Variants in TDRD3 observed in about 807,000 individuals in gnomAD.
TDRD3 encodes the protein tudor domain-containing protein 3.
TDRD3 carries 45 observed loss-of-function variants against 86.7 expected under a neutral mutation model. The observed-to-expected ratio is 0.52, with a 90% CI of 0.41 to 0.67. The LOEUF is 0.67. TDRD3 is among the 30% of genes least tolerant of loss of function. The pLI is 0.00. For missense variants in TDRD3, 814 were observed against 889.0 expected (o/e 0.92, Z 1.07); for synonymous variants, 298 against 301.7 (o/e 0.99, Z 0.13).
intron 3 of TDRD3, 79 bp from the exon 4 acceptor site, chr13:60,460,301 A>T: frequency 7.9e-7 from 1 of 1,258,690 alleles, no homozygotes; most frequent in Non-Finnish European, 1.1e-6. Context: ...AGGAAAAGAG[A>T]AACACTATAA....
chr13:60,539,443 T>C (rs562513189), intron 12 of TDRD3, among the ~76,000 whole-genome samples: 2 of 152,118 alleles, frequency 1.3e-5, no homozygotes, highest in East Asian at 1.9e-4. Context: ...TTATTCCATA[T>C]TAGTTTAAAG....
At chr13:60,480,590 T>A (rs1043010695) in intron 5 of TDRD3, among the ~76,000 whole-genome samples, 1 of 152,228 alleles carries the variant, frequency 6.6e-6, no homozygotes, top group South Asian at 2.1e-4. Flanking sequence ...GTTTTCCAAG[T>A]TGCTTGTTCT....
chr13:60,556,532 G>A (rs1350015219), intron 12 of TDRD3, among the ~76,000 whole-genome samples: 1 of 152,156 alleles, frequency 6.6e-6, no homozygotes, highest in Non-Finnish European at 1.5e-5. Flanking sequence ...ATAGATCTGG[G>A]AATAGATTGT....
intron 4 of TDRD3, among the ~76,000 whole-genome samples, chr13:60,465,239 T>C (rs1009765364): frequency 6.6e-6 from 1 of 152,308 alleles, no homozygotes; most frequent in African/African-American, 2.4e-5. Context: ...GCAATTTCTT[T>C]GGAGGTAAAG....
chr13:60,404,028 T>C (rs1954169232), intron 1 of TDRD3, among the ~76,000 whole-genome samples: 1 of 152,240 alleles, frequency 6.6e-6, no homozygotes, highest in Non-Finnish European at 1.5e-5. Context: ...ACACTGTTAT[T>C]TTACTTGCAA....
intron 4 of TDRD3, among the ~76,000 whole-genome samples, chr13:60,465,356 T>C (rs1310315669): frequency 1.3e-5 from 2 of 152,186 alleles, no homozygotes; most frequent in South Asian, 4.1e-4. Flanking sequence ...TTGGGAACGC[T>C]TCTTCACTAT....
At chr13:60,409,340 G>A (rs1236709346) in intron 1 of TDRD3, among the ~76,000 whole-genome samples, 1 of 152,222 alleles carries the variant, frequency 6.6e-6, no homozygotes, top group African/African-American at 2.4e-5. Flanking sequence ...TAGTAGAGCT[G>A]TGAGAAGAAG....
intron 1 of TDRD3, among the ~76,000 whole-genome samples, chr13:60,402,907 A>C (rs969452273): frequency 2.0e-5 from 3 of 152,084 alleles, no homozygotes; most frequent in Non-Finnish European, 4.4e-5. Context: ...ACATCCTTCT[A>C]TTTTGAAATA....
chr13:60,559,670 T>C (rs1958286943), intron 12 of TDRD3, among the ~76,000 whole-genome samples: 1 of 152,118 alleles, frequency 6.6e-6, no homozygotes, highest in Non-Finnish European at 1.5e-5. Flanking sequence ...ATCTTACTTA[T>C]ATGTGGAATC....
chr13:60,551,743 C>T (rs797008805), intron 12 of TDRD3, among the ~76,000 whole-genome samples: 30 of 152,180 alleles, frequency 2.0e-4, no homozygotes, highest in African/African-American at 6.5e-4. Context: ...TTAATTGACT[C>T]ACAGTTCTGC....
chr13:60,428,419 G>A (rs1400538892), intron 1 of TDRD3, among the ~76,000 whole-genome samples: 1 of 151,826 alleles, frequency 6.6e-6, no homozygotes, highest in African/African-American at 2.4e-5. Context: ...GTTAATATAG[G>A]GGCCAAGGGA....
At chr13:60,518,609 A>G (rs1279372934) in intron 10 of TDRD3, among the ~76,000 whole-genome samples, 2 of 152,202 alleles carry the variant, frequency 1.3e-5, no homozygotes, top group Non-Finnish European at 2.9e-5. Context: ...TTGTAAATAC[A>G]TGTAAAAAGG....
intron 7 of TDRD3, among the ~76,000 whole-genome samples, chr13:60,487,076 A>G (rs936914647): frequency 6.6e-6 from 1 of 152,192 alleles, no homozygotes; most frequent in South Asian, 2.1e-4. Context: ...GGATGGTTGC[A>G]TCTGTACTAA....
Position 60,509,867 on chromosome 13 carries a change from C to A in TDRD3, c.963C>A (p.Asn321Lys). Residue 321 changes from asparagine (N) to lysine (K), a missense_variant, in exon 9 of 14, where the codon AAC (asparagine) becomes AAA (lysine). Physicochemically the swap from Asn to Lys is moderately conservative, Grantham distance 94. Transcript: ENST00000377881. ...GCAACAACTTAGAAGCAGCACTGAA[C>A]GTACTTCTTACAAGCAATAAACAGA... ...DNGNNLEAAL[N>K]VLLTSNKQKP... 6.2e-7 allele frequency: 1 copy of A among 1,613,768 alleles called. No individual in the cohort carries two copies.
intron 1 of TDRD3, among the ~76,000 whole-genome samples, chr13:60,424,968 T>C (rs951316501): frequency 5.9e-5 from 9 of 152,226 alleles, no homozygotes; most frequent in African/African-American, 2.2e-4. Context: ...TATCATTCCT[T>C]CACTTATTTT....
At chr13:60,535,707 G>C (rs962709690) in intron 12 of TDRD3, 4 of 152,908 alleles carry the variant, frequency 2.6e-5, no homozygotes, top group African/African-American at 9.7e-5. Flanking sequence ...ATATATTGAC[G>C]TATATATGTA....
At chr13:60,397,096 AC>A (rs1953931835), upstream of TDRD3, 3 of 354,162 alleles carry the variant, frequency 8.5e-6, no homozygotes, top group East Asian at 1.2e-4. Flanking sequence ...GACTCCAGCC[AC>A]CAGCCGGTGT....
At chr13:60,525,094 A>AAAAC (rs1957386071) in intron 10 of TDRD3, among the ~76,000 whole-genome samples, 1 of 149,362 alleles carries the variant, frequency 6.7e-6, no homozygotes, top group African/African-American at 2.4e-5. Flanking sequence ...CTCAAAAAAA[A>AAAAC]AAAAAAAAAA....
At chr13:60,482,276 A>G (rs1012637479) in intron 5 of TDRD3, among the ~76,000 whole-genome samples, 2 of 152,126 alleles carry the variant, frequency 1.3e-5, no homozygotes, top group Non-Finnish European at 2.9e-5. Context: ...TCAGCTCCCT[A>G]TGACCTCTGT....
Sources: gnomAD v4.1 joint callset for allele counts (sites outside exome capture counted in the v4.1 genomes callset) on GRCh38, gnomAD v4.1.1 for gene constraint, MANE v1.5 for transcripts, NCBI Gene and HGNC (gene_info 2026-07-23, HGNC 2026-07-21) for gene names.